The following RIMS2 variants were observed in gnomAD, a reference collection of about 807,000 sequenced individuals.
RIMS2 encodes regulating synaptic membrane exocytosis protein 2.
A neutral mutation model predicts 174.4 loss-of-function variants in RIMS2; 59 were observed. The ratio of observed to expected loss-of-function variants is 0.34; its 90% confidence interval spans 0.27 to 0.42. The LOEUF (loss-of-function observed/expected upper bound fraction) is 0.42. Among genes scored for constraint, RIMS2 ranks in the 10% least tolerant of loss-of-function variants. The pLI, the probability that RIMS2 is intolerant of heterozygous loss-of-function variation, is 1.00. For synonymous variants in RIMS2, 606 were observed against 572.5 expected (o/e 1.06, Z -0.84); for missense variants, 1,620 against 1,666.3 (o/e 0.97, Z 0.48).
At position 103,936,536 on chromosome 8, in the gene RIMS2, TG is replaced by T; in HGVS notation, c.2376-14del. On this transcript the variant is annotated splice_polypyrimidine_tract_variant and intron_variant, in intron 12 of 23. Transcript: ENST00000504942. ...AGTTCTATGTAAGTTCATAATTCATTGTTTTTTTCCATAGTGATAAAAACAA... is the reference window on the plus strand; with the variant it reads ...AGTTCTATGTAAGTTCATAATTCATTTTTTTTTCCATAGTGATAAAAACAA... 1.3e-6 allele frequency: 2 copies of T among 1,504,256 alleles called. No individual in the cohort carries two copies. The highest frequency in any genetic ancestry group is 1.8e-6 in the Non-Finnish European group (2 of 1,115,326). 93.2% of individuals were successfully genotyped at this position (1,504,256 alleles called of 1,614,324 possible). A position where few individuals can be genotyped will look rare whatever the true frequency, so the allele number is the denominator to read the frequency against.
chr8:104,113,886 T>A (rs946839560), intron 19 of RIMS2, among the ~76,000 whole-genome samples: 1 of 152,016 alleles, frequency 6.6e-6, no homozygotes, highest in African/African-American at 2.4e-5. Flanking sequence ...GTTATTTTTT[T>A]AAATCCAGTT....
intron 13 of RIMS2, among the ~76,000 whole-genome samples, chr8:103,939,569 A>G (rs1007273759): frequency 1.3e-5 from 2 of 152,252 alleles, no homozygotes; most frequent in Admixed American, 6.5e-5. Flanking sequence ...CATTGCGGAT[A>G]GGCGATTAAC....
intron 1 of RIMS2, among the ~76,000 whole-genome samples, chr8:103,679,102 A>C (rs2096848824): frequency 6.6e-6 from 1 of 152,118 alleles, no homozygotes; most frequent in Non-Finnish European, 1.5e-5. Flanking sequence ...TCCATGAAGA[A>C]GACCAGAGGC....
intron 3 of RIMS2, among the ~76,000 whole-genome samples, chr8:103,816,632 A>G (rs1405729970): frequency 6.6e-6 from 1 of 152,162 alleles, no homozygotes; most frequent in Middle Eastern, 3.2e-3. Context: ...CTTAAGGATG[A>G]GTAGGGGCAG....
intron 3 of RIMS2, among the ~76,000 whole-genome samples, chr8:103,871,449 AT>A (rs202075468): frequency 4.0e-5 from 6 of 151,424 alleles, no homozygotes; most frequent in East Asian, 1.9e-4. Context: ...ATCTAGTATA[AT>A]TTTTTTTTGT....
At chr8:103,872,567 G>C (rs1437411139) in intron 3 of RIMS2, among the ~76,000 whole-genome samples, 1 of 152,212 alleles carries the variant, frequency 6.6e-6, no homozygotes, top group Admixed American at 6.5e-5. Flanking sequence ...GCTCAAGGAA[G>C]TTAACAGAGA....
chr8:104,139,111 T>C (rs2098545733), intron 19 of RIMS2, among the ~76,000 whole-genome samples: 1 of 152,154 alleles, frequency 6.6e-6, no homozygotes, highest in African/African-American at 2.4e-5. Flanking sequence ...CTCTTTTGTG[T>C]TCCATTGGTC....
At chr8:103,597,163 TG>T (rs1183935780) in intron 1 of RIMS2, among the ~76,000 whole-genome samples, 1 of 152,156 alleles carries the variant, frequency 6.6e-6, no homozygotes, top group African/African-American at 2.4e-5. Context: ...TCAAATTTAT[TG>T]GTAGAAAAGA....
At chr8:103,533,746 A>G (rs1189163471) in intron 1 of RIMS2, among the ~76,000 whole-genome samples, 1 of 151,976 alleles carries the variant, frequency 6.6e-6, no homozygotes, top group Non-Finnish European at 1.5e-5. Context: ...TCTTAGTTGG[A>G]CAACTTTTCA....
chr8:104,027,823 C>A (rs891767610), intron 19 of RIMS2, among the ~76,000 whole-genome samples: 2 of 152,088 alleles, frequency 1.3e-5, no homozygotes, highest in African/African-American at 4.8e-5. Context: ...CTGTATAAAC[C>A]ACCTAATAGA....
chr8:104,095,176 A>G (rs1175766479), intron 19 of RIMS2, among the ~76,000 whole-genome samples: 1 of 152,184 alleles, frequency 6.6e-6, no homozygotes, highest in African/African-American at 2.4e-5. Context: ...TTACTTTACA[A>G]GAAATATTAT....
intron 3 of RIMS2, chr8:103,819,200 C>A: frequency 8.4e-7 from 1 of 1,191,840 alleles, no homozygotes; most frequent in Non-Finnish European, 1.0e-6. Flanking sequence ...GAGTAGAGTA[C>A]ATGAAAGCAG....
At position 103,682,762 on chromosome 8, in the gene RIMS2, A is replaced by G. The variant is rs114341025; in HGVS notation, c.177-14324A>G. On this transcript the variant is annotated intron_variant, in intron 1 of 23. Transcript: ENST00000504942. ...AGTACCTCAAACTAAAGTAAGGTAA[A>G]TACTGTTTCTTAGTACCTCAAATTA... is the stretch of plus-strand genomic sequence containing the variant. Among the ~76,000 whole-genome samples, 933 of 152,240 alleles carry G rather than the reference A, an allele frequency of 6.1e-3. 15 individuals are homozygous for G. The highest frequency in any genetic ancestry group is 0.021 in the African/African-American group (884 of 41,552).
At chr8:104,051,675 TGA>T (rs776212455) in intron 19 of RIMS2, among the ~76,000 whole-genome samples, 10 of 152,150 alleles carry the variant, frequency 6.6e-5, no homozygotes, top group Non-Finnish European at 1.2e-4. Flanking sequence ...CATGTGTGTG[TGA>T]GAGAGAGAAA....
At chr8:103,580,299 C>T (rs537462637) in intron 1 of RIMS2, among the ~76,000 whole-genome samples, 1 of 151,912 alleles carries the variant, frequency 6.6e-6, no homozygotes, top group Non-Finnish European at 1.5e-5. Flanking sequence ...ACCCACCTCA[C>T]CTGTAAAGAT....
intron 1 of RIMS2, among the ~76,000 whole-genome samples, chr8:103,596,956 A>C (rs528391048): frequency 6.6e-6 from 1 of 152,120 alleles, no homozygotes; most frequent in East Asian, 1.9e-4. Context: ...TATGAATCTT[A>C]ATATTTTTTC....
At chr8:104,199,089 T>C (rs1295467897) in intron 19 of RIMS2, among the ~76,000 whole-genome samples, 1 of 151,764 alleles carries the variant, frequency 6.6e-6, no homozygotes, top group African/African-American at 2.4e-5. Flanking sequence ...TGAGACGGAG[T>C]CTCTCTTTGT....
intron 2 of RIMS2, among the ~76,000 whole-genome samples, chr8:103,721,922 A>G (rs1367380029): frequency 6.6e-6 from 1 of 152,082 alleles, no homozygotes; most frequent in Non-Finnish European, 1.5e-5. Flanking sequence ...GAATGAGGAT[A>G]TTTGTGCTGA....
chr8:103,940,031 C>T (rs926669659), intron 13 of RIMS2, among the ~76,000 whole-genome samples: 4 of 152,180 alleles, frequency 2.6e-5, no homozygotes, highest in Non-Finnish European at 5.9e-5. Context: ...GTCTTCTGAG[C>T]CCTCCAAACT....
Sources: gnomAD v4.1 joint callset for allele counts (sites outside exome capture counted in the v4.1 genomes callset) on GRCh38, gnomAD v4.1.1 for gene constraint, MANE v1.5 for transcripts, NCBI Gene and HGNC (gene_info 2026-07-23, HGNC 2026-07-21) for gene names.